The following NELL2 variants were observed in gnomAD, a reference collection of about 807,000 sequenced individuals.
NELL2 encodes the protein neural EGFL like 2.
In NELL2, 41 loss-of-function variants were observed where a neutral mutation model predicts 109.6. The observed-to-expected ratio is 0.37, with a 90% CI of 0.29 to 0.49. The LOEUF is 0.49. Among genes scored for constraint, NELL2 ranks in the 20% least tolerant of loss-of-function variants. The pLI, the probability that NELL2 is intolerant of heterozygous loss-of-function variation, is 0.98. For missense variants in NELL2, 900 were observed against 1,008.3 expected, an observed-to-expected ratio of 0.89 and a Z score of 1.45; for synonymous variants, 355 against 344.7, an observed-to-expected ratio of 1.03 and a Z score of -0.33.
At chr12:44,539,540 C>T (rs73282363) in intron 15 of NELL2, among the ~76,000 whole-genome samples, 2 of 151,960 alleles carry the variant, frequency 1.3e-5, no homozygotes, top group African/African-American at 4.8e-5. Context: ...GAACTTATTC[C>T]TAAATGTTTT....
intron 9 of NELL2, among the ~76,000 whole-genome samples, chr12:44,752,742 T>C (rs985215468): frequency 6.6e-6 from 1 of 152,132 alleles, no homozygotes; most frequent in Non-Finnish European, 1.5e-5. Context: ...AATCATCTTT[T>C]CCTCTCTACC....
chr12:44,630,474 T>A (rs1331150223), intron 13 of NELL2, among the ~76,000 whole-genome samples: 1 of 152,172 alleles, frequency 6.6e-6, no homozygotes, highest in Non-Finnish European at 1.5e-5. Context: ...CATTTGAAAG[T>A]GTATATCTTT....
chr12:44,658,274 A>T (rs965956350), intron 13 of NELL2, among the ~76,000 whole-genome samples: 7 of 152,198 alleles, frequency 4.6e-5, no homozygotes, highest in African/African-American at 1.7e-4. Context: ...TCAATGTGCA[A>T]AAATCAAAAG....
intron 2 of NELL2, among the ~76,000 whole-genome samples, chr12:44,850,583 A>T (rs1191314450): frequency 2.6e-5 from 4 of 152,194 alleles, no homozygotes; most frequent in African/African-American, 9.7e-5. Flanking sequence ...ATCAATGCAA[A>T]ACAGTAATTC....
intron 15 of NELL2, among the ~76,000 whole-genome samples, chr12:44,581,127 CCTT>C (rs1373582057): frequency 6.6e-6 from 1 of 152,020 alleles, no homozygotes; most frequent in African/African-American, 2.4e-5. Context: ...TAATTTCAGG[CCTT>C]TCAGTGAATA....
At chr12:44,681,607 C>A (rs1005712148) in intron 12 of NELL2, among the ~76,000 whole-genome samples, 2 of 152,018 alleles carry the variant, frequency 1.3e-5, no homozygotes, top group African/African-American at 4.8e-5. Context: ...GTGATGTTCC[C>A]CTCCCTGTGT....
chr12:44,799,356 A>C (rs1055019847), intron 3 of NELL2, among the ~76,000 whole-genome samples: 3 of 152,108 alleles, frequency 2.0e-5, no homozygotes, highest in African/African-American at 7.2e-5. Context: ...TGGAGATCAG[A>C]TTCATTATAC....
intron 12 of NELL2, among the ~76,000 whole-genome samples, chr12:44,683,426 A>G (rs569049179): frequency 2.9e-5 from 4 of 140,212 alleles, no homozygotes; most frequent in Non-Finnish European, 4.4e-5. Flanking sequence ...TCTCCTGCCT[A>G]ACTGCCCTGG....
intron 2 of NELL2, among the ~76,000 whole-genome samples, chr12:44,817,676 G>A: frequency 6.6e-6 from 1 of 152,224 alleles, no homozygotes; most frequent in East Asian, 1.9e-4. Flanking sequence ...AGACATTGCT[G>A]GATGGGGCTG....
chr12:44,666,167 T>G (rs1388448282), intron 12 of NELL2, among the ~76,000 whole-genome samples: 1 of 152,188 alleles, frequency 6.6e-6, no homozygotes, highest in African/African-American at 2.4e-5. Flanking sequence ...AGACCTGATA[T>G]AGATGAGAAG....
At chr12:44,625,823 A>G (rs1197885324) in intron 13 of NELL2, among the ~76,000 whole-genome samples, 1 of 152,170 alleles carries the variant, frequency 6.6e-6, no homozygotes, top group East Asian at 1.9e-4. Flanking sequence ...CTAACAACAC[A>G]TGACCCTATC....
intron 15 of NELL2, among the ~76,000 whole-genome samples, chr12:44,540,074 G>T (rs1299535918): frequency 1.3e-5 from 2 of 152,076 alleles, no homozygotes. Flanking sequence ...AGTACAATAG[G>T]TGAAGAGAAT....
At chr12:44,780,537 G>C (rs998501488) in intron 3 of NELL2, among the ~76,000 whole-genome samples, 1 of 151,828 alleles carries the variant, frequency 6.6e-6, no homozygotes, top group Non-Finnish European at 1.5e-5. Context: ...TAGTGTCAGA[G>C]AAGGCCAAGT....
intron 2 of NELL2, among the ~76,000 whole-genome samples, chr12:44,862,281 T>A (rs183439776): frequency 6.6e-6 from 1 of 152,350 alleles, no homozygotes; most frequent in East Asian, 1.9e-4. Context: ...ATTGCTCCAG[T>A]ATATAGGCTT....
upstream of NELL2, among the ~76,000 whole-genome samples, chr12:44,879,832 A>G (rs1488548574): frequency 1.3e-5 from 2 of 151,980 alleles, no homozygotes; most frequent in Non-Finnish European, 2.9e-5. Flanking sequence ...CCTTGTGGAA[A>G]ACCAATGCAC....
intron 15 of NELL2, among the ~76,000 whole-genome samples, chr12:44,553,790 T>C (rs118113974): frequency 0.029 from 4,416 of 152,220 alleles, 94 homozygotes; most frequent in Middle Eastern, 0.12. Flanking sequence ...CGGAGGACAA[T>C]GAATTGGACA....
intron 2 of NELL2, among the ~76,000 whole-genome samples, chr12:44,846,924 A>G (rs940017164): frequency 6.6e-6 from 1 of 152,252 alleles, no homozygotes; most frequent in African/African-American, 2.4e-5. Context: ...CTGAGATTTC[A>G]TAAACAATAA....
chr12:44,902,157 G>A (rs925257057), intron 1 of NELL2, among the ~76,000 whole-genome samples: 1 of 152,120 alleles, frequency 6.6e-6, no homozygotes, highest in African/African-American at 2.4e-5. Flanking sequence ...AAACCCCATC[G>A]TCTCAGCCCA....
At chr12:44,786,066 G>A (rs1942156315) in intron 3 of NELL2, among the ~76,000 whole-genome samples, 1 of 152,136 alleles carries the variant, frequency 6.6e-6, no homozygotes, top group Admixed American at 6.5e-5. Flanking sequence ...CACAGCCAAA[G>A]AAACTATCAT....
Sources: allele counts gnomAD v4.1 joint callset (sites outside exome capture counted in the v4.1 genomes callset), GRCh38; gene constraint gnomAD v4.1.1; transcripts MANE v1.5; gene names NCBI Gene and HGNC (gene_info 2026-07-23, HGNC 2026-07-21).